The following CACNA2D3 variants were observed in gnomAD, a reference collection of about 807,000 sequenced individuals.
The protein encoded by CACNA2D3 is voltage-dependent calcium channel subunit alpha-2/delta-3.
A neutral mutation model predicts 160.6 loss-of-function variants in CACNA2D3; 60 were observed. That is an observed-to-expected ratio of 0.37 (90% CI 0.30 to 0.46). The LOEUF is 0.46. Ranked by LOEUF, CACNA2D3 falls within the 20% of genes least tolerant of loss-of-function variation. The pLI is 1.00. For missense variants in CACNA2D3, 1,205 were observed against 1,365.0 expected, an observed-to-expected ratio of 0.88 and a Z score of 1.85; for synonymous variants, 558 against 492.9, an observed-to-expected ratio of 1.13 and a Z score of -1.75.
At chr3:55,041,616 A>G (rs1036797102) in intron 35 of CACNA2D3, among the ~76,000 whole-genome samples, 1 of 152,124 alleles carries the variant, frequency 6.6e-6, no homozygotes, top group Non-Finnish European at 1.5e-5. Flanking sequence ...TTTTCAAAAA[A>G]TCATTCTTTG....
intron 11 of CACNA2D3, among the ~76,000 whole-genome samples, chr3:54,684,379 G>A (rs563203986): frequency 3.3e-5 from 5 of 152,238 alleles, no homozygotes; most frequent in African/African-American, 1.2e-4. Context: ...ACATTTACAG[G>A]TACTGGGGAT....
At chr3:55,068,328 G>A (rs1182193734) in intron 35 of CACNA2D3, among the ~76,000 whole-genome samples, 1 of 152,200 alleles carries the variant, frequency 6.6e-6, no homozygotes, top group African/African-American at 2.4e-5. Context: ...CAAGGTCTGT[G>A]CCTTAAGAAT....
chr3:54,255,788 C>A (rs916966174), intron 2 of CACNA2D3, among the ~76,000 whole-genome samples: 3 of 152,188 alleles, frequency 2.0e-5, no homozygotes, highest in Middle Eastern at 3.2e-3. Context: ...TTTACCTCTA[C>A]TGCCACGTAC....
At chr3:54,745,451 A>G (rs1432141494) in intron 11 of CACNA2D3, among the ~76,000 whole-genome samples, 1 of 152,214 alleles carries the variant, frequency 6.6e-6, no homozygotes, top group East Asian at 1.9e-4. Flanking sequence ...ATCTCCAGGA[A>G]TTAGCTAACC....
chr3:54,776,227 C>T (rs534667488), intron 13 of CACNA2D3, among the ~76,000 whole-genome samples: 3 of 152,264 alleles, frequency 2.0e-5, no homozygotes, highest in South Asian at 2.1e-4. Flanking sequence ...TCTAAGAGGT[C>T]GGGAGGCTGC....
At chr3:54,989,326 C>A (rs1215057121) in intron 31 of CACNA2D3, among the ~76,000 whole-genome samples, 2 of 152,198 alleles carry the variant, frequency 1.3e-5, no homozygotes, top group African/African-American at 4.8e-5. Flanking sequence ...CTAGTCTTCT[C>A]CTTCATGTGG....
At chr3:54,133,622 A>G (rs1699760688) in intron 2 of CACNA2D3, among the ~76,000 whole-genome samples, 1 of 152,216 alleles carries the variant, frequency 6.6e-6, no homozygotes, top group South Asian at 2.1e-4. Flanking sequence ...AAGAGCTGGA[A>G]TAAGAGGAGG....
At chr3:54,780,976 A>C (rs1459898957) in intron 13 of CACNA2D3, among the ~76,000 whole-genome samples, 1 of 152,132 alleles carries the variant, frequency 6.6e-6, no homozygotes, top group Non-Finnish European at 1.5e-5. Flanking sequence ...TATTGAAAAA[A>C]CTTTCTTTTA....
chr3:54,143,918 T>C (rs1699980168), intron 2 of CACNA2D3, among the ~76,000 whole-genome samples: 1 of 152,238 alleles, frequency 6.6e-6, no homozygotes, highest in Non-Finnish European at 1.5e-5. Flanking sequence ...AGCTATGTTA[T>C]AATGGGAAGA....
intron 2 of CACNA2D3, among the ~76,000 whole-genome samples, chr3:54,251,003 C>T (rs11130407): frequency 0.4 from 61,011 of 151,854 alleles, 12,353 homozygotes; most frequent in Middle Eastern, 0.41. Flanking sequence ...GGAGAAACAG[C>T]GGGTGCAAAA....
At chr3:54,449,374 T>C (rs1192504799) in intron 4 of CACNA2D3, among the ~76,000 whole-genome samples, 1 of 152,244 alleles carries the variant, frequency 6.6e-6, no homozygotes, top group Non-Finnish European at 1.5e-5. Context: ...TTTAAGAACA[T>C]AGTGTGTTCA....
intron 13 of CACNA2D3, among the ~76,000 whole-genome samples, chr3:54,774,982 C>T (rs909196677): frequency 6.6e-6 from 1 of 152,162 alleles, no homozygotes; most frequent in African/African-American, 2.4e-5. Flanking sequence ...GATCTCTCTA[C>T]ATGGTGCCAA....
intron 2 of CACNA2D3, among the ~76,000 whole-genome samples, chr3:54,149,974 C>T (rs1700115988): frequency 7.6e-6 from 1 of 131,188 alleles, no homozygotes; most frequent in Admixed American, 7.8e-5. Flanking sequence ...TCCCCCCTTC[C>T]TTCTTCCCTC....
chr3:54,354,761 CAT>C (rs1183382779), intron 3 of CACNA2D3, among the ~76,000 whole-genome samples: 1 of 152,216 alleles, frequency 6.6e-6, no homozygotes, highest in African/African-American at 2.4e-5. Flanking sequence ...ACTTGGTTCT[CAT>C]GTGTCTCTCC....
intron 2 of CACNA2D3, among the ~76,000 whole-genome samples, chr3:54,267,940 G>A (rs998753768): frequency 6.6e-6 from 1 of 152,114 alleles, no homozygotes; most frequent in Non-Finnish European, 1.5e-5. Flanking sequence ...GTGATGTTTT[G>A]GGGGTGTTTT....
intron 13 of CACNA2D3, among the ~76,000 whole-genome samples, chr3:54,805,624 C>G (rs552572398): frequency 2.6e-5 from 4 of 152,240 alleles, no homozygotes; most frequent in African/African-American, 7.2e-5. Context: ...ACCAGAGGTA[C>G]AAAGAGGAAT....
chr3:54,191,942 T>TG (rs1700992240), intron 2 of CACNA2D3, among the ~76,000 whole-genome samples: 1 of 151,974 alleles, frequency 6.6e-6, no homozygotes, highest in Non-Finnish European at 1.5e-5. Context: ...AACCGGGAAG[T>TG]GGGGGGATTC....
At chr3:54,141,094 C>CGCGCGCGCACGT (rs768348036) in intron 2 of CACNA2D3, among the ~76,000 whole-genome samples, 3,105 of 81,830 alleles carry the variant, frequency 0.038, 160 homozygotes, top group East Asian at 0.35. Flanking sequence ...TGTGCGCGCG[C>CGCGCGCGCACGT]GCGCGTGTGT....
intron 13 of CACNA2D3, among the ~76,000 whole-genome samples, chr3:54,805,740 A>G (rs951906156): frequency 1.3e-5 from 2 of 152,214 alleles, no homozygotes; most frequent in Non-Finnish European, 2.9e-5. Context: ...CCGGGCAGAG[A>G]CACAACCAAA....
Sources: gnomAD v4.1 joint callset for allele counts (sites outside exome capture counted in the v4.1 genomes callset) on GRCh38, gnomAD v4.1.1 for gene constraint, MANE v1.5 for transcripts, NCBI Gene and HGNC (gene_info 2026-07-23, HGNC 2026-07-21) for gene names.